The following MYL5 variants were observed in gnomAD, a reference collection of about 807,000 sequenced individuals.
MYL5 encodes myosin regulatory light chain 5.
MYL5 carries 28 observed loss-of-function variants against 20.8 expected under a neutral mutation model. That is an observed-to-expected ratio of 1.35 (90% CI 1.00 to 1.84). MYL5 has a LOEUF of 1.84. MYL5 is among the 40% of genes most tolerant of loss of function. The pLI, the probability that MYL5 is intolerant of heterozygous loss-of-function variation, is 0.00. For missense variants in MYL5, 274 were observed against 227.3 expected (o/e 1.21, Z -1.32); for synonymous variants, 118 against 87.4 (o/e 1.35, Z -1.95).
rs568550182 is a variant in MYL5, at chr4:680,552, G to A, written c.336G>A (p.Leu112=). The change falls in exon 5 of 7, where the codon CTG becomes CTA. Residue 112 remains leucine, a synonymous_variant. Coordinates refer to ENST00000400159, the Ensembl canonical transcript of MYL5. ...CCATTCTTAACGCCTTCAAGATGCT[G>A]GACCCGGACGGGAAAGGGAAAATCA... is the stretch of plus-strand genomic sequence containing the variant. The A allele has an allele frequency of 1.1e-5, 18 of 1,613,576 alleles. No homozygotes were observed. The East Asian group carries it at 2.0e-4, about 18-fold the overall frequency.
At chr4:679,608 C>A (rs557132057) in intron 3 of MYL5, among the ~76,000 whole-genome samples, 1 of 152,308 alleles carries the variant, frequency 6.6e-6, no homozygotes, top group South Asian at 2.1e-4. Flanking sequence ...GGGAGGGTCG[C>A]AAGTGACCCA....
chr4:679,953 T>C, exon 4 of MYL5: 10 of 1,613,744 alleles, frequency 6.2e-6, no homozygotes, highest in Non-Finnish European at 8.5e-6. Flanking sequence ...GACGCCATGC[T>C]CAAAGAGGCC....
At chr4:678,200 G>T in intron 1 of MYL5, 171 bp downstream of exon 3, 4 of 1,520,266 alleles carry the variant, frequency 2.6e-6, no homozygotes, top group African/African-American at 2.7e-5. Flanking sequence ...ATGTGCGTGT[G>T]TGTGACCTTG....
At chr4:676,709 C>G (rs1450259247), upstream of MYL5, among the ~76,000 whole-genome samples, 1 of 152,166 alleles carries the variant, frequency 6.6e-6, no homozygotes, top group Non-Finnish European at 1.5e-5. Context: ...TCTCCCCACT[C>G]CTGCAGCCCA....
At chr4:681,629 C>CCTCCAGCGCCGCCCCGCCCT (rs1739587954) in intron 6 of MYL5, among the ~76,000 whole-genome samples, 1 of 94,524 alleles carries the variant, frequency 1.1e-5, no homozygotes, top group African/African-American at 4.2e-5. Flanking sequence ...CGCCCCGCCC[C>CCTCCAGCGCCGCCCCGCCCT]CTCCAGCGCC....
intron 1 of MYL5, 123 bp from the exon 4 acceptor site, chr4:678,535 C>CCCCCT: frequency 2.0e-6 from 3 of 1,464,182 alleles, no homozygotes; most frequent in African/African-American, 2.8e-5. Flanking sequence ...AGCTGTCTGG[C>CCCCCT]CCCCTCCAGC....
At chr4:677,858 G>C, upstream of MYL5, 1 of 1,141,556 alleles carries the variant, frequency 8.8e-7, no homozygotes, top group Non-Finnish European at 1.3e-6. Context: ...GTCACTGCCA[G>C]GCTGCCAAAG....
intron 6 of MYL5, 69 bp from the exon 9 acceptor site, chr4:681,824 G>T (rs965336447): frequency 1.7e-5 from 22 of 1,269,858 alleles, no homozygotes; most frequent in Middle Eastern, 6.0e-4. Flanking sequence ...CACACCCGGG[G>T]CCGCTGCAGG....
At chr4:680,975 G>C in intron 5 of MYL5, 117 bp from the exon 8 acceptor site, 1 of 1,159,612 alleles carries the variant, frequency 8.6e-7, no homozygotes, top group Middle Eastern at 2.3e-4. Context: ...ACTCCAGCGG[G>C]AAGGGCGGGA....
intron 1 of MYL5, chr4:678,388 G>A (rs28655411): frequency 1.6e-5 from 23 of 1,412,828 alleles, no homozygotes; most frequent in Middle Eastern, 2.6e-4. Context: ...CCTGCTGGAC[G>A]GCGATCCCTG....
chr4:678,927 G>T, intron 2 of MYL5, 31 bp from the exon 5 acceptor site: 1 of 1,612,914 alleles, frequency 6.2e-7, no homozygotes, highest in Non-Finnish European at 8.5e-7. Context: ...AGCCGGGTTG[G>T]CAGCACAGCA....
intron 5 of MYL5, 51 bp from the exon 8 acceptor site, chr4:681,041 G>T (rs1001385348): frequency 6.4e-7 from 1 of 1,559,824 alleles, no homozygotes. Context: ...CCACCGAGAA[G>T]GCTCCTGCAC....
At chr4:678,341 C>T in intron 1 of MYL5, 1 of 1,416,130 alleles carries the variant, frequency 7.1e-7, no homozygotes, top group Non-Finnish European at 9.2e-7. Context: ...CACCCAGAGT[C>T]CACTTGCCCC....
upstream of MYL5, chr4:675,022 A>G (rs1426498521): frequency 2.0e-5 from 3 of 152,414 alleles, no homozygotes; most frequent in African/African-American, 4.8e-5. Flanking sequence ...CCAGCCCCCA[A>G]CAGAGGCTGC....
upstream of MYL5, chr4:674,584 T>G: frequency 2.5e-6 from 1 of 397,632 alleles, no homozygotes; most frequent in Non-Finnish European, 4.6e-6. Context: ...CCCGCGCTGC[T>G]GCCGAGGCCC....
chr4:677,857 A>G, upstream of MYL5: 1 of 1,122,842 alleles, frequency 8.9e-7, no homozygotes, highest in Admixed American at 1.8e-5. Flanking sequence ...AGTCACTGCC[A>G]GGCTGCCAAA....
intron 3 of MYL5, 96 bp downstream of exon 5, chr4:679,129 A>G (rs756054573): frequency 4.5e-5 from 44 of 975,304 alleles, no homozygotes; most frequent in Non-Finnish European, 5.8e-5. Context: ...GAATGGAGCC[A>G]GGGCCCGCGC....
chr4:678,166 A>G, intron 1 of MYL5, 137 bp downstream of exon 3: 2 of 1,542,998 alleles, frequency 1.3e-6, no homozygotes, highest in Non-Finnish European at 1.8e-6. Context: ...CTCTGCCTGC[A>G]TATGTGTGTG....
chr4:681,117 G>T, exon 6 of MYL5: 1 of 1,607,214 alleles, frequency 6.2e-7, no homozygotes, highest in Non-Finnish European at 8.5e-7. Context: ...GATGTCCCAG[G>T]CTGACAAGAT....
Sources: gnomAD v4.1 joint callset for allele counts (sites outside exome capture counted in the v4.1 genomes callset) on GRCh38, gnomAD v4.1.1 for gene constraint, MANE v1.5 for transcripts, NCBI Gene and HGNC (gene_info 2026-07-23, HGNC 2026-07-21) for gene names.